Variants in PGPEP1L observed in about 807,000 individuals in gnomAD.
The protein encoded by PGPEP1L is pyroglutamyl-peptidase I like, also known as pyroglutamyl-peptidase 1-like protein.
In PGPEP1L, 7 loss-of-function variants were observed where a neutral mutation model predicts 6.0. That is an observed-to-expected ratio of 1.17 (90% CI 0.66 to 2.19). The LOEUF (loss-of-function observed/expected upper bound fraction) is 2.19, where lower values mean the gene tolerates loss of function less well. PGPEP1L is among the 30% of genes most tolerant of loss of function. The probability of loss-of-function intolerance (pLI) is 0.00; values close to 1 mark genes in which losing one functional copy is unlikely to be tolerated. For synonymous variants in PGPEP1L, 103 were observed against 83.9 expected (o/e 1.23, Z -1.24); for missense variants, 209 against 192.5 (o/e 1.09, Z -0.51).
At chr15:98,975,342 T>C (rs567082611) in intron 2 of PGPEP1L, among the ~76,000 whole-genome samples, 1 of 152,210 alleles carries the variant, frequency 6.6e-6, no homozygotes, top group South Asian at 2.1e-4. Context: ...GAGGGAAGTA[T>C]GAAAAGAGGT....
intron 2 of PGPEP1L, among the ~76,000 whole-genome samples, chr15:99,002,026 T>G (rs1555473117): frequency 6.6e-6 from 1 of 152,074 alleles, no homozygotes; most frequent in African/African-American, 2.4e-5. Context: ...CCTATTTTTA[T>G]TTTCAGACAG....
intron 2 of PGPEP1L, among the ~76,000 whole-genome samples, chr15:98,981,744 G>A (rs2017666900): frequency 6.6e-6 from 1 of 152,130 alleles, no homozygotes; most frequent in Non-Finnish European, 1.5e-5. Context: ...AACGTACAAG[G>A]TTAATAATGG....
At chr15:98,971,282 G>A (rs1238220303) in intron 2 of PGPEP1L, 124 bp from the exon 3 acceptor site, 1 of 1,307,712 alleles carries the variant, frequency 7.6e-7, no homozygotes, top group Non-Finnish European at 1.0e-6. Flanking sequence ...CCTGGACTTT[G>A]CCCTCAAGGA....
At chr15:98,992,775 G>A (rs576182159) in intron 2 of PGPEP1L, among the ~76,000 whole-genome samples, 1 of 152,258 alleles carries the variant, frequency 6.6e-6, no homozygotes, top group South Asian at 2.1e-4. Context: ...CAGAACGGAG[G>A]CCTCAGAAAT....
chr15:98,999,835 T>C (rs1284497258), intron 2 of PGPEP1L, among the ~76,000 whole-genome samples: 2 of 152,226 alleles, frequency 1.3e-5, no homozygotes, highest in Admixed American at 1.3e-4. Context: ...TATTTGTCAA[T>C]AAAAAGGAAT....
chr15:99,007,145 T>A (rs72754840), intron 1 of PGPEP1L, among the ~76,000 whole-genome samples: 15,439 of 152,252 alleles, frequency 0.1, 901 homozygotes, highest in African/African-American at 0.14. Flanking sequence ...GCCTCTTCAC[T>A]GCCAACAGGT....
At chr15:98,996,293 T>C (rs899837316) in intron 2 of PGPEP1L, among the ~76,000 whole-genome samples, 1 of 152,196 alleles carries the variant, frequency 6.6e-6, no homozygotes, top group Non-Finnish European at 1.5e-5. Context: ...TCAAGAGAAA[T>C]TGCATAAGCT....
chr15:98,984,424 T>C (rs1382517509), intron 2 of PGPEP1L, among the ~76,000 whole-genome samples: 1 of 152,178 alleles, frequency 6.6e-6, no homozygotes, highest in African/African-American at 2.4e-5. Context: ...ATGTATCTAG[T>C]GAACACATAG....
intron 2 of PGPEP1L, among the ~76,000 whole-genome samples, chr15:98,977,758 G>T (rs201629184): frequency 6.6e-6 from 1 of 152,220 alleles, no homozygotes; most frequent in Non-Finnish European, 1.5e-5. Context: ...CCGTTATTGA[G>T]AGGGGTACTG....
At chr15:99,007,282 C>T (rs1596533307) in intron 1 of PGPEP1L, 77 bp downstream of exon 1, 1 of 152,226 alleles carries the variant, frequency 6.6e-6, no homozygotes, top group African/African-American at 2.4e-5. Flanking sequence ...CCCGGTTTCT[C>T]AATATACCCC....
At chr15:98,978,726 A>ATTTTTTTTT (rs57804945) in intron 2 of PGPEP1L, among the ~76,000 whole-genome samples, 1 of 85,254 alleles carries the variant, frequency 1.2e-5, no homozygotes, top group African/African-American at 5.1e-5. Flanking sequence ...ATATATATAT[A>ATTTTTTTTT]TTTTTTTTTT....
chr15:98,981,845 T>C (rs1324267894), intron 2 of PGPEP1L, among the ~76,000 whole-genome samples: 5 of 152,124 alleles, frequency 3.3e-5, no homozygotes, highest in Non-Finnish European at 7.4e-5. Context: ...TCTAAAAAAA[T>C]AAACAGGGAA....
chr15:98,984,015 T>C (rs1231749880), intron 2 of PGPEP1L, among the ~76,000 whole-genome samples: 1 of 138,950 alleles, frequency 7.2e-6, no homozygotes, highest in Non-Finnish European at 1.5e-5. Flanking sequence ...TAGTCTTTTT[T>C]TTTTTTTTTT....
chr15:98,969,957 G>A (rs1490995950), intron 3 of PGPEP1L, among the ~76,000 whole-genome samples: 2 of 152,152 alleles, frequency 1.3e-5, no homozygotes, highest in South Asian at 2.1e-4. Flanking sequence ...GTTGGAGGGA[G>A]GAGAGGCAAG....
At chr15:98,974,362 G>T (rs375181112) in intron 2 of PGPEP1L, among the ~76,000 whole-genome samples, 12 of 151,918 alleles carry the variant, frequency 7.9e-5, no homozygotes, top group Non-Finnish European at 1.6e-4. Context: ...CTGGGTGACC[G>T]TGTGAGACCC....
At chr15:98,980,315 A>G (rs1035473661) in intron 2 of PGPEP1L, among the ~76,000 whole-genome samples, 1 of 152,198 alleles carries the variant, frequency 6.6e-6, no homozygotes, top group East Asian at 1.9e-4. Context: ...TCAGGGAGGC[A>G]TTGTCCTAGG....
At chr15:98,971,194 TGGGGGGGGGGG>T in intron 2 of PGPEP1L, 36 bp from the exon 3 acceptor site, 2 of 585,994 alleles carry the variant, frequency 3.4e-6, no homozygotes, top group Non-Finnish European at 2.4e-6. Flanking sequence ...CCTCAGTTGA[TGGGGGGGGGGG>T]GGGGGTGGGC....
chr15:98,969,773 A>G, intron 3 of PGPEP1L, 122 bp from the exon 4 acceptor site: 1 of 955,534 alleles, frequency 1.0e-6, no homozygotes, highest in South Asian at 1.5e-5. Context: ...TCAAACCCCA[A>G]ATCCACTGGG....
At position 98,968,606 on chromosome 15, in the gene PGPEP1L, G is replaced by A. The variant is rs535454256; in HGVS notation, c.301C>T (p.Pro101Ser). ...AAGGCTCTTCCCAGCAGGCTGGCCG[G>A]GAGCCCGCGCGATAGTGGAGGGACA... ...IHVPPLSRGLPASLLGRALRV... is the reference protein window; with the variant it reads ...IHVPPLSRGLSASLLGRALRV... Residue 101 changes from proline (P) to serine (S), a missense_variant, in exon 5 of 5, where the codon CCG (proline) becomes TCG (serine). Transcript: ENST00000535714. The A allele has an allele frequency of 1.2e-6, 2 of 1,608,494 alleles. No homozygotes were observed. Among genetic ancestry groups the A allele is most frequent in the South Asian group, 1.1e-5 (1 of 89,678 alleles).
Sources: allele counts gnomAD v4.1 joint callset (sites outside exome capture counted in the v4.1 genomes callset), GRCh38; gene constraint gnomAD v4.1.1; transcripts MANE v1.5; gene names NCBI Gene and HGNC (gene_info 2026-07-23, HGNC 2026-07-21).